The following LAMC3 variants were observed in gnomAD, a reference collection of about 807,000 sequenced individuals.
LAMC3 encodes the protein laminin subunit gamma 3, also known as laminin subunit gamma-3.
In LAMC3, 128 loss-of-function variants were observed where a neutral mutation model predicts 173.8. The observed-to-expected ratio is 0.74, with a 90% CI of 0.64 to 0.85. The LOEUF is 0.85. LAMC3 is among the 40% of genes least tolerant of loss of function. The probability of loss-of-function intolerance (pLI) is 0.00; values close to 1 mark genes in which losing one functional copy is unlikely to be tolerated. For synonymous variants in LAMC3, 897 were observed against 909.1 expected (o/e 0.99, Z 0.24); for missense variants, 2,022 against 2,156.0 (o/e 0.94, Z 1.23).
chr9:131,018,492 C>T (rs1007380859), intron 1 of LAMC3, among the ~76,000 whole-genome samples: 1 of 152,096 alleles, frequency 6.6e-6, no homozygotes, highest in Non-Finnish European at 1.5e-5. Context: ...CCCAGACCCT[C>T]ACAAGCTCCA....
At chr9:131,082,331 T>G (rs1830256187) in intron 24 of LAMC3, among the ~76,000 whole-genome samples, 170 bp downstream of exon 24, 1 of 152,226 alleles carries the variant, frequency 6.6e-6, no homozygotes, top group African/African-American at 2.4e-5. Context: ...CCCCATCTCA[T>G]ACATCACTCA....
chr9:131,045,490 T>A, intron 7 of LAMC3, 34 bp from the exon 8 acceptor site: 1 of 1,612,414 alleles, frequency 6.2e-7, no homozygotes, highest in Non-Finnish European at 8.5e-7. Flanking sequence ...CTGATTCACG[T>A]GGCCCTCGTG....
Position 131,067,414 on chromosome 9 carries a change from C to T in LAMC3, c.2593+209C>T, listed in dbSNP as rs146527020. Among the ~76,000 whole-genome samples, 577 of 152,270 alleles carry T rather than the reference C, an allele frequency of 3.8e-3. 5 individuals carry two copies. The highest frequency in any genetic ancestry group is 0.013 in the African/African-American group (551 of 41,552). ...GCCCCTCTCCCAGGTCTCTTTCAGC[C>T]GGGAGATCTTATAAACTCTGATCCG... On this transcript the variant is annotated intron_variant, in intron 14 of 27. Transcript: ENST00000361069.
At position 131,061,272 on chromosome 9, in the gene LAMC3, G is replaced by A. The variant is rs765617973; in HGVS notation, c.2347+49G>A. ...CCTGCCCCGCAGAGGGCCAAGCCCC[G>A]GCACTGTGACTATGCCCTGGGCTCC... On this transcript the variant is annotated intron_variant, in intron 13 of 27. Coordinates refer to ENST00000361069, the MANE Select transcript of LAMC3 (RefSeq NM_006059.4). The A allele has an allele frequency of 4.6e-5, 70 of 1,509,704 alleles. 1 individual carries two copies. The highest frequency in any genetic ancestry group is 5.0e-5 in the Non-Finnish European group (56 of 1,109,104). The allele number at this position is 1,509,704 out of a possible 1,614,324, so 93.5% of individuals were successfully genotyped here.
In LAMC3 at chr9:131,029,232, C is replaced by T. The variant is rs990893892; in HGVS notation, c.678+2643C>T. 6.6e-6 allele frequency among the ~76,000 whole-genome samples: 1 copy of T among 152,264 alleles called. No homozygotes were observed. The highest frequency in any genetic ancestry group is 2.4e-5 in the African/African-American group (1 of 41,472). The stretch of plus-strand genomic sequence containing the variant: ...TGGGCAAGCCGAATCCTTTATCACA[C>T]AGTACCACATCTCTAGACGTCCAGG... On this transcript the variant is annotated intron_variant, in intron 2 of 27. Coordinates refer to ENST00000361069, the MANE Select transcript of LAMC3 (RefSeq NM_006059.4). The surrounding 1 kb of genome is among the most constrained non-coding windows in gnomAD (Gnocchi z 4.6).
In LAMC3 at chr9:131,009,513, G is replaced by C. The variant is rs1212136695; in HGVS notation, c.299G>C (p.Ser100Thr). ...ACCGACTTCCACAGCCAGGACGAGA[G>C]CACCTGGTGGCAGAGCCCGTCCATG... ...YLTDFHSQDESTWWQSPSMAF... is the reference protein window; with the variant it reads ...YLTDFHSQDETTWWQSPSMAF... Residue 100 changes from serine to threonine, a missense_variant, in exon 1 of 28, where the codon AGC becomes ACC. Coordinates refer to ENST00000361069, the MANE Select transcript of LAMC3 (RefSeq NM_006059.4). The surrounding 1 kb of genome is among the most constrained non-coding windows in gnomAD (Gnocchi z 4.3). The C allele has an allele frequency of 1.9e-6, 3 of 1,554,690 alleles. No individual in the cohort carries two copies. Among genetic ancestry groups the C allele is most frequent in the Non-Finnish European group, 2.6e-6 (3 of 1,149,488 alleles).
chr9:131,032,914 C>T (rs750853829), intron 3 of LAMC3, among the ~76,000 whole-genome samples: 2 of 152,200 alleles, frequency 1.3e-5, no homozygotes, highest in African/African-American at 2.4e-5. Flanking sequence ...GTGATCTGCC[C>T]GCCTTGGCCT....
Position 131,045,545 on chromosome 9 carries a change from C to T in LAMC3, c.1404C>T (p.Asn468=). 1 of 1,613,912 alleles carries T rather than the reference C, an allele frequency of 6.2e-7. No individual in the cohort carries two copies. The highest frequency in any genetic ancestry group is 2.2e-5 in the East Asian group (1 of 44,878). Residue 468 remains asparagine (N), a synonymous_variant, in exon 8 of 28, where the codon AAC becomes AAT. Coordinates refer to ENST00000361069, the MANE Select transcript of LAMC3 (RefSeq NM_006059.4). ...TCAGATGTCGCCCGGGGACCTTTAA[C>T]CTGCAGCCCCACAATCCAGCTGGCT... ...LCDRCRPGTF[N]LQPHNPAGCS... is the part of the protein sequence containing the mutation.
Position 131,079,289 on chromosome 9 carries a change from C to T in LAMC3, c.3918C>T (p.Pro1306=), listed in dbSNP as rs757747733. 1.9e-6 allele frequency: 3 copies of T among 1,614,188 alleles called. No homozygotes were observed. The Admixed American group carries it at 5.0e-5, about 27-fold the overall frequency. Residue 1306 remains proline (P), a synonymous_variant, in exon 23 of 28, where the codon CCC becomes CCT. Transcript: ENST00000361069. ...AAQATLRQTE[P]LTKLHQEARA... Reference sequence around the variant, plus strand: ...AGGCGACGCTACGGCAAACAGAACCCCTCACAAAGGTCAGCTCTTGTGCTT... The same window carrying T: ...AGGCGACGCTACGGCAAACAGAACCTCTCACAAAGGTCAGCTCTTGTGCTT...
chr9:131,048,875 T>C, intron 8 of LAMC3, 145 bp from the exon 9 acceptor site: 1 of 594,894 alleles, frequency 1.7e-6, no homozygotes, highest in Non-Finnish European at 3.0e-6. Context: ...GGTCTGACCA[T>C]GCCCCCAAGC....
chr9:131,041,332 G>A (rs1404503755), intron 6 of LAMC3, among the ~76,000 whole-genome samples: 8 of 150,688 alleles, frequency 5.3e-5, no homozygotes, highest in Middle Eastern at 3.4e-3. Context: ...ATGACACTGC[G>A]CTCCAGCCTG....
At chr9:131,065,081 G>C (rs915587505) in intron 13 of LAMC3, among the ~76,000 whole-genome samples, 7 of 146,380 alleles carry the variant, frequency 4.8e-5, no homozygotes, top group African/African-American at 1.8e-4. Context: ...AAAAAATCAT[G>C]TAAGCAAGGC....
Position 131,026,139 on chromosome 9 carries a change from G to A in LAMC3, c.374-146G>A. The A allele has an allele frequency of 6.7e-7, 1 of 1,488,574 alleles. No individual in the cohort carries two copies. Among genetic ancestry groups the A allele is most frequent in the South Asian group, 1.2e-5 (1 of 80,304 alleles). 92.2% of individuals were successfully genotyped at this position (1,488,574 alleles called of 1,614,324 possible). A position where few individuals can be genotyped will look rare whatever the true frequency, so the allele number is the denominator to read the frequency against. ...TGCCCCAGCAGGCATCATGAATGGAGGGTGGCTTCCCCTGTCCAGAGCTCC... is the reference window on the plus strand; with the variant it reads ...TGCCCCAGCAGGCATCATGAATGGAAGGTGGCTTCCCCTGTCCAGAGCTCC... On this transcript the variant is annotated intron_variant, in intron 1 of 27. Transcript: ENST00000361069. This position sits in a 1 kb window ranked among gnomAD's most constrained non-coding sequence, Gnocchi z 4.8.
At chr9:131,025,614 G>A (rs1405646206) in intron 1 of LAMC3, among the ~76,000 whole-genome samples, 4 of 152,120 alleles carry the variant, frequency 2.6e-5, no homozygotes, top group Non-Finnish European at 4.4e-5. Context: ...GGGGACTTTC[G>A]AGGAGGTGAG....
chr9:131,068,888 A>G lies in LAMC3; in HGVS notation c.2748-20A>G, dbSNP rs767057199. ...GTGGCCCTGAGCTTGCCTCAGACCC[A>G]GTTCCTTCCCTGATCACAGCTGCAA... is the stretch of plus-strand genomic sequence containing the variant. On this transcript the variant is annotated intron_variant, in intron 15 of 27. Coordinates refer to ENST00000361069, the MANE Select transcript of LAMC3 (RefSeq NM_006059.4). The G allele has an allele frequency of 1.2e-6, 2 of 1,613,654 alleles. No homozygotes were observed. Among genetic ancestry groups the G allele is most frequent in the South Asian group, 1.1e-5 (1 of 91,064 alleles).
At chr9:131,042,212 A>G (rs1320932220) in intron 7 of LAMC3, among the ~76,000 whole-genome samples, 2 of 150,710 alleles carry the variant, frequency 1.3e-5, no homozygotes, top group Non-Finnish European at 3.0e-5. Flanking sequence ...AGTATTATCA[A>G]CGCTCCCCTT....
chr9:131,062,221 C>T (rs1262924739), intron 13 of LAMC3, among the ~76,000 whole-genome samples: 3 of 150,584 alleles, frequency 2.0e-5, no homozygotes, highest in Admixed American at 6.6e-5. Flanking sequence ...ATTAGCCAGG[C>T]GTGGTGGCGG....
At chr9:131,020,846 C>T (rs966942911) in intron 1 of LAMC3, among the ~76,000 whole-genome samples, 11 of 152,276 alleles carry the variant, frequency 7.2e-5, no homozygotes, top group African/African-American at 2.4e-4. Context: ...ATTTTTCCCC[C>T]CCAAATACAT....
Position 131,087,699 on chromosome 9 carries a change from T to C in LAMC3, c.4378-19T>C, listed in dbSNP as rs1554723612. The C allele has an allele frequency of 1.2e-6, 2 of 1,613,814 alleles. No individual in the cohort carries two copies. The highest frequency in any genetic ancestry group is 3.3e-5 in the Admixed American group (2 of 60,032). On this transcript the variant is annotated intron_variant, in intron 26 of 27. Coordinates refer to ENST00000361069, the MANE Select transcript of LAMC3 (RefSeq NM_006059.4). Reference sequence around the variant, plus strand: ...GTGGGGACGCCATTCAAGCTGTTTCTTCCTCCTCCCCCTGAAAGGTGGGTG... The same window carrying C: ...GTGGGGACGCCATTCAAGCTGTTTCCTCCTCCTCCCCCTGAAAGGTGGGTG...
Sources: allele counts gnomAD v4.1 joint callset (sites outside exome capture counted in the v4.1 genomes callset), GRCh38; gene constraint gnomAD v4.1.1; non-coding constraint Gnocchi (gnomAD v3.1); transcripts MANE v1.5; gene names NCBI Gene and HGNC (gene_info 2026-07-23, HGNC 2026-07-21).